Variants in LSM5 observed in about 807,000 individuals in gnomAD.
The protein encoded by LSM5 is LSM5 homolog, U6 small nuclear RNA and mRNA degradation associated.
In LSM5, 8 loss-of-function variants were observed where a neutral mutation model predicts 13.8. That is an observed-to-expected ratio of 0.58 (90% CI 0.34 to 1.04). The LOEUF is 1.04. Among genes scored for constraint, LSM5 ranks in the 50% least tolerant of loss-of-function variants. The pLI is 0.03. For missense variants in LSM5, 80 were observed against 108.1 expected (o/e 0.74, Z 1.15); for synonymous variants, 35 against 37.0 (o/e 0.95, Z 0.20).
intron 3 of LSM5, chr7:32,488,395 TG>T (rs1562737980): frequency 2.5e-5 from 11 of 436,178 alleles, no homozygotes; most frequent in Non-Finnish European, 3.2e-5. Context: ...TGGCTCTTTT[TG>T]TTATCTTCTA....
chr7:32,493,799 C>G (rs1345637625), upstream of LSM5, among the ~76,000 whole-genome samples: 2 of 152,056 alleles, frequency 1.3e-5, no homozygotes, highest in Admixed American at 1.3e-4. Context: ...CATCGGCCTC[C>G]CAAAGTGCTG....
intron 4 of LSM5, 175 bp downstream of exon 4, chr7:32,487,510 A>G: frequency 1.5e-6 from 1 of 667,128 alleles, no homozygotes; most frequent in Middle Eastern, 2.4e-4. Context: ...TTTAGACCCA[A>G]TGCCTCTTCA....
chr7:32,491,411 A>AG (rs938542080), upstream of LSM5, among the ~76,000 whole-genome samples: 33 of 151,796 alleles, frequency 2.2e-4, no homozygotes, highest in Non-Finnish European at 4.0e-4. Context: ...AAAAAAAAAA[A>AG]AAAAAGCTAA....
chr7:32,487,709 C>T lies in LSM5; in HGVS notation c.219G>A (p.Leu73=). 2.0e-6 allele frequency: 3 copies of T among 1,526,072 alleles called. No homozygotes were observed. The highest frequency in any genetic ancestry group is 2.7e-6 in the Non-Finnish European group (3 of 1,100,756). The allele number at this position is 1,526,072 out of a possible 1,614,324, so 94.5% of individuals were successfully genotyped here. A position where few individuals can be genotyped will look rare whatever the true frequency, so the allele number is the denominator to read the frequency against. The change falls in exon 4 of 5, where the codon TTG becomes TTA. Residue 73 remains leucine, a synonymous_variant. Transcript: ENST00000450169. ...CCATTGTTATATTATTTCCATTTAG[C>T]AAAATCTGATCTAATTTAGTAATCC... is the stretch of plus-strand genomic sequence containing the variant. The part of the protein sequence containing the change: ...GRRITKLDQI[L]LNGNNITMLV...
At position 32,486,531 on chromosome 7, in the gene LSM5, G is replaced by A. The variant is rs1333158032; in HGVS notation, c.*730C>T. On this transcript the variant is annotated 3_prime_UTR_variant, in exon 5 of 5. Coordinates refer to ENST00000450169, the MANE Select transcript of LSM5 (RefSeq NM_012322.3). ...ATACAGTTCAATGATCTTATTATCAGTTCCTTGATTTGACCTGAGTCCTGG... is the reference window on the plus strand; with the variant it reads ...ATACAGTTCAATGATCTTATTATCAATTCCTTGATTTGACCTGAGTCCTGG... 1 of 152,176 alleles carries A rather than the reference G, an allele frequency of 6.6e-6. No homozygotes were observed. Among genetic ancestry groups the A allele is most frequent in the African/African-American group, 2.4e-5 (1 of 41,398 alleles). 9.4% of individuals were successfully genotyped at this position (152,176 alleles called of 1,614,324 possible).
At chr7:32,490,397 T>C (rs533152996), upstream of LSM5, 10 of 1,570,318 alleles carry the variant, frequency 6.4e-6, no homozygotes, top group South Asian at 2.2e-5. Flanking sequence ...CCTTCATTGA[T>C]GGTGGGACGA....
At chr7:32,490,264 G>A (rs755581075) in intron 1 of LSM5, 56 bp downstream of exon 1, 4 of 1,614,010 alleles carry the variant, frequency 2.5e-6, no homozygotes, top group South Asian at 2.2e-5. Flanking sequence ...CAGCCCCTCG[G>A]CCCCCAATCC....
At position 32,487,219 on chromosome 7, in the gene LSM5, TA is replaced by T. The variant is rs1242740891; in HGVS notation, c.*41del. 1.3e-6 allele frequency: 2 copies of T among 1,593,646 alleles called. No homozygotes were observed. On this transcript the variant is annotated 3_prime_UTR_variant, in exon 5 of 5. Coordinates refer to ENST00000450169, the MANE Select transcript of LSM5 (RefSeq NM_012322.3). Reference sequence around the variant, plus strand: ...AAAAAAAATTCCATTTTCTTGTCATTATAAGCCAAAACAAAATCTAGTGTAA... The same window carrying T: ...AAAAAAAATTCCATTTTCTTGTCATTTAAGCCAAAACAAAATCTAGTGTAA...
chr7:32,489,354 G>A lies in LSM5; in HGVS notation c.47-10C>T, dbSNP rs1786519987. 6.9e-7 allele frequency: 1 copy of A among 1,455,996 alleles called. No homozygotes were observed. The highest frequency in any genetic ancestry group is 2.3e-5 in the East Asian group (1 of 43,808). The allele number at this position is 1,455,996 out of a possible 1,614,324, so 90.2% of individuals were successfully genotyped here. On this transcript the variant is annotated splice_polypyrimidine_tract_variant and intron_variant, in intron 1 of 4. Transcript: ENST00000450169. ...CATTTGTCCACAAGCTCTGAGGAGG[G>A]AAAAAATATTATTTTACCATTCATT...
upstream of LSM5, among the ~76,000 whole-genome samples, chr7:32,492,065 CTTCT>C (rs774897499): frequency 3.3e-5 from 5 of 152,258 alleles, no homozygotes; most frequent in East Asian, 1.9e-4. Flanking sequence ...GTTTGTGACG[CTTCT>C]TTCTTTCTCT....
chr7:32,489,625 G>T lies in LSM5; in HGVS notation c.47-281C>A, dbSNP rs908545564. The stretch of plus-strand genomic sequence containing the variant: ...ACTACAAAAATATAAGAGGAGATAG[G>T]TATAATTATATTCACCGGAAACTCT... On this transcript the variant is annotated intron_variant, in intron 1 of 4. Transcript: ENST00000450169. 21 of 357,282 alleles carry T rather than the reference G, an allele frequency of 5.9e-5. No individual in the cohort carries two copies. The East Asian group carries it at 1.4e-3, about 24-fold the overall frequency. 22.1% of individuals were successfully genotyped at this position (357,282 alleles called of 1,614,324 possible).
upstream of LSM5, chr7:32,490,699 A>C: frequency 2.6e-6 from 1 of 380,584 alleles, no homozygotes. Flanking sequence ...TCAAGCCAGA[A>C]TCTTCAAACC....
At chr7:32,492,348 C>A (rs2128106518), upstream of LSM5, among the ~76,000 whole-genome samples, 1 of 152,248 alleles carries the variant, frequency 6.6e-6, no homozygotes, top group African/African-American at 2.4e-5. Context: ...CATGGTGAAA[C>A]CCCATCTCTA....
chr7:32,490,138 A>G (rs1355462987), intron 1 of LSM5, 182 bp downstream of exon 1: 1 of 1,540,500 alleles, frequency 6.5e-7, no homozygotes, highest in Admixed American at 2.0e-5. Flanking sequence ...TGCCTGGAGG[A>G]GCCCGACCAC....
chr7:32,493,857 C>CT (rs3079776), upstream of LSM5, among the ~76,000 whole-genome samples: 116 of 141,754 alleles, frequency 8.2e-4, no homozygotes, highest in South Asian at 1.1e-3. Context: ...TTATATATAT[C>CT]TTTTTTTTTT....
Position 32,489,320 on chromosome 7 carries a change from G to T in LSM5, c.71C>A (p.Ser24Ter). 1 of 1,603,074 alleles carries T rather than the reference G, an allele frequency of 6.2e-7. No individual in the cohort carries two copies. The highest frequency in any genetic ancestry group is 1.1e-5 in the South Asian group (1 of 89,550). ...ACTCTTCATCACGATGTGAATTCTT[G>T]ATCCTATACATTTGTCCACAAGCTC... The part of the protein sequence containing the change: ...PLELVDKCIG[S>*]RIHIVMKSDK... Residue 24 changes from serine to a stop codon, truncating the protein, a stop_gained, in exon 2 of 5, where the codon TCA becomes TAA. Transcript: ENST00000450169. LOFTEE classifies it high-confidence loss of function.
chr7:32,487,281 C>T lies in LSM5; in HGVS notation c.256G>A (p.Gly86Arg). 6.2e-7 allele frequency: 1 copy of T among 1,613,738 alleles called. No homozygotes were observed. The highest frequency in any genetic ancestry group is 8.5e-7 in the Non-Finnish European group (1 of 1,179,738). Reference sequence around the variant, plus strand: ...CTCATTCACACTTCAGGTCCTTCTCCTCCAGGAACCAGCTGCATAAAGAGG... The same window carrying T: ...CTCATTCACACTTCAGGTCCTTCTCTTCCAGGAACCAGCTGCATAAAGAGG... ...GNNITMLVPG[G>R]EGPEV Residue 86 changes from glycine (G) to arginine (R), a missense_variant, in exon 5 of 5, where the codon GGA (glycine) becomes AGA (arginine). By Grantham distance (125) the Gly-to-Arg change is moderately radical (BLOSUM62 -2). Coordinates refer to ENST00000450169, the MANE Select transcript of LSM5 (RefSeq NM_012322.3).
chr7:32,487,652 C>T (rs769599097), intron 4 of LSM5, 33 bp downstream of exon 4: 4 of 1,156,004 alleles, frequency 3.5e-6, no homozygotes, highest in Non-Finnish European at 5.2e-6. Context: ...AAATGGGCTC[C>T]CATCAAAATA....
chr7:32,490,266 C>G lies in LSM5; in HGVS notation c.46+54G>C, dbSNP rs779721936. ...GCCTGCCTCGGAACAGCCCCTCGGC[C>G]CCCAATCCTGAATGTCAGCTCCCTG... On this transcript the variant is annotated intron_variant, in intron 1 of 4. Coordinates refer to ENST00000450169, the MANE Select transcript of LSM5 (RefSeq NM_012322.3). 1.9e-6 allele frequency: 3 copies of G among 1,614,016 alleles called. No homozygotes were observed. The Admixed American group carries it at 5.0e-5, about 27-fold the overall frequency.
Sources: allele counts gnomAD v4.1 joint callset (sites outside exome capture counted in the v4.1 genomes callset), GRCh38; gene constraint gnomAD v4.1.1; transcripts MANE v1.5; gene names NCBI Gene and HGNC (gene_info 2026-07-23, HGNC 2026-07-21).